The following CADPS variants were observed in gnomAD, a reference collection of about 807,000 sequenced individuals.
CADPS encodes the protein calcium dependent secretion activator.
In CADPS, 57 loss-of-function variants were observed where a neutral mutation model predicts 167.3. That is an observed-to-expected ratio of 0.34 (90% CI 0.28 to 0.42). The LOEUF (loss-of-function observed/expected upper bound fraction) is 0.42. Ranked by LOEUF, CADPS falls within the 20% of genes least tolerant of loss-of-function variation. CADPS has a pLI of 1.00. For synonymous variants in CADPS, 676 were observed against 635.3 expected, an observed-to-expected ratio of 1.06 and a Z score of -0.96; for missense variants, 1,414 against 1,738.1, an observed-to-expected ratio of 0.81 and a Z score of 3.32.
chr3:62,569,103 T>C (rs1241009508), intron 9 of CADPS, among the ~76,000 whole-genome samples: 1 of 152,198 alleles, frequency 6.6e-6, no homozygotes, highest in African/African-American at 2.4e-5. Context: ...TTATTTTAAT[T>C]ATTTATTTTT....
At chr3:62,823,560 C>A (rs1289952984) in intron 1 of CADPS, among the ~76,000 whole-genome samples, 1 of 152,098 alleles carries the variant, frequency 6.6e-6, no homozygotes, top group East Asian at 1.9e-4. Context: ...TAACAGCAGA[C>A]TTCAAAGAGG....
At chr3:62,685,881 G>C (rs1013441091) in intron 3 of CADPS, among the ~76,000 whole-genome samples, 10 of 152,082 alleles carry the variant, frequency 6.6e-5, no homozygotes, top group African/African-American at 1.4e-4. Flanking sequence ...AGTAATGCCT[G>C]GTACCTGACT....
intron 1 of CADPS, among the ~76,000 whole-genome samples, chr3:62,770,804 C>G (rs2088479253): frequency 6.6e-6 from 1 of 152,178 alleles, no homozygotes. Context: ...ACCCAGACCC[C>G]AGAAGCTCCT....
At chr3:62,772,523 C>A (rs764920535) in intron 1 of CADPS, among the ~76,000 whole-genome samples, 2 of 152,180 alleles carry the variant, frequency 1.3e-5, no homozygotes, top group Non-Finnish European at 2.9e-5. Flanking sequence ...CCAGGAAAGG[C>A]TAAGAGCATC....
At position 62,645,861 on chromosome 3, in the gene CADPS, C is replaced by T. The variant is rs1283912989; in HGVS notation, c.1204-18G>A. The T allele has an allele frequency of 1.2e-6, 2 of 1,613,698 alleles. No individual in the cohort carries two copies. Among genetic ancestry groups the T allele is most frequent in the African/African-American group, 1.3e-5 (1 of 74,910 alleles). On this transcript the variant is annotated intron_variant, in intron 5 of 29. Transcript: ENST00000383710. ...ATTACCACCTGAAAAGAGAATTCCA[C>T]ATAATGGAGGTTATTGGCAAGGCCC...
At chr3:62,547,762 C>T (rs1328612327) in intron 11 of CADPS, among the ~76,000 whole-genome samples, 1 of 150,990 alleles carries the variant, frequency 6.6e-6, no homozygotes, top group Non-Finnish European at 1.5e-5. Context: ...TGAATCCTAT[C>T]CACAGACAGA....
At chr3:62,572,735 A>G (rs1450974543) in intron 8 of CADPS, among the ~76,000 whole-genome samples, 2 of 152,242 alleles carry the variant, frequency 1.3e-5, no homozygotes, top group Non-Finnish European at 2.9e-5. Flanking sequence ...ATTAAAATAC[A>G]TAAATGATTA....
chr3:62,790,917 TG>T (rs1196815392), intron 1 of CADPS, among the ~76,000 whole-genome samples: 6 of 152,292 alleles, frequency 3.9e-5, no homozygotes, highest in African/African-American at 1.4e-4. Context: ...CTGATGCTTT[TG>T]TTACCGTCAT....
chr3:62,406,931 C>T (rs116773928), intron 28 of CADPS, among the ~76,000 whole-genome samples: 2,462 of 152,346 alleles, frequency 0.016, 33 homozygotes, highest in Non-Finnish European at 0.022. Context: ...CAGGCTCTAA[C>T]ATCCACCTGG....
intron 17 of CADPS, chr3:62,500,755 C>A (rs1254983087): frequency 6.6e-6 from 1 of 151,986 alleles, no homozygotes; most frequent in African/African-American, 2.4e-5. Context: ...TGGCAGGCAG[C>A]AGTGGGTGGG....
intron 3 of CADPS, among the ~76,000 whole-genome samples, chr3:62,667,411 A>G (rs2074662952): frequency 6.6e-6 from 1 of 151,336 alleles, no homozygotes; most frequent in South Asian, 2.1e-4. Flanking sequence ...TGGGATCTTG[A>G]GCCAAAGTCG....
intron 26 of CADPS, among the ~76,000 whole-genome samples, chr3:62,453,264 T>TA (rs1391706501): frequency 1.3e-5 from 2 of 152,160 alleles, no homozygotes; most frequent in Non-Finnish European, 2.9e-5. Flanking sequence ...TGTGTTTTTT[T>TA]AAAAAAAATT....
At chr3:62,655,660 G>T (rs1423309798) in intron 4 of CADPS, among the ~76,000 whole-genome samples, 8 of 152,136 alleles carry the variant, frequency 5.3e-5, no homozygotes, top group Admixed American at 5.2e-4. Flanking sequence ...TGACAAGGCT[G>T]CCCCCCTTCA....
At chr3:62,822,471 T>G (rs1005894) in intron 1 of CADPS, among the ~76,000 whole-genome samples, 14,071 of 152,158 alleles carry the variant, frequency 0.092, 1,479 homozygotes, top group African/African-American at 0.26. Flanking sequence ...GATGGATGAA[T>G]AGATGGGAAA....
intron 1 of CADPS, among the ~76,000 whole-genome samples, chr3:62,866,622 CA>C (rs2081742266): frequency 6.6e-6 from 1 of 151,942 alleles, no homozygotes; most frequent in Non-Finnish European, 1.5e-5. Flanking sequence ...AAAGGATGAA[CA>C]AGAGTGAATC....
In CADPS at chr3:62,651,182, C is replaced by G. The variant is rs2070025908; in HGVS notation, c.970-102G>C. On this transcript the variant is annotated intron_variant, in intron 4 of 29. Coordinates refer to ENST00000383710, the MANE Select transcript of CADPS (RefSeq NM_003716.4). Reference sequence around the variant, plus strand: ...CCCAGAGTTAGAATCACATCTACTACTAGTGAAATTCACCCAGATCTCATG... The same window carrying G: ...CCCAGAGTTAGAATCACATCTACTAGTAGTGAAATTCACCCAGATCTCATG... 3 of 779,870 alleles carry G rather than the reference C, an allele frequency of 3.8e-6. 1 individual carries two copies. Among genetic ancestry groups the G allele is most frequent in the South Asian group, 3.5e-5 (2 of 57,754 alleles). 48.3% of individuals were successfully genotyped at this position (779,870 alleles called of 1,614,324 possible). A position where few individuals can be genotyped will look rare whatever the true frequency, so the allele number is the denominator to read the frequency against.
chr3:62,840,245 T>C (rs913294052), intron 1 of CADPS, among the ~76,000 whole-genome samples: 1 of 152,228 alleles, frequency 6.6e-6, no homozygotes, highest in African/African-American at 2.4e-5. Context: ...TTCTAATTCA[T>C]AAGTATGCAT....
intron 17 of CADPS, among the ~76,000 whole-genome samples, chr3:62,502,862 G>A (rs2066001966): frequency 6.6e-6 from 1 of 152,054 alleles, no homozygotes; most frequent in Admixed American, 6.6e-5. Context: ...GGTGAAGAGA[G>A]ACAGTAAAAA....
At chr3:62,452,611 T>C (rs968140506) in intron 26 of CADPS, among the ~76,000 whole-genome samples, 1 of 152,148 alleles carries the variant, frequency 6.6e-6, no homozygotes, top group Non-Finnish European at 1.5e-5. Context: ...AAAAAAGATA[T>C]GGGTGTCATA....
Sources: gnomAD v4.1 joint callset for allele counts (sites outside exome capture counted in the v4.1 genomes callset) on GRCh38, gnomAD v4.1.1 for gene constraint, MANE v1.5 for transcripts, NCBI Gene and HGNC (gene_info 2026-07-23, HGNC 2026-07-21) for gene names.